Variants in CACHD1 observed in about 807,000 individuals in gnomAD.
The protein encoded by CACHD1 is cache domain containing 1.
Under a neutral mutation model 138.7 loss-of-function variants are expected in CACHD1, and 71 were observed. The observed-to-expected ratio is 0.51, with a 90% CI of 0.42 to 0.62. The LOEUF (loss-of-function observed/expected upper bound fraction) is 0.62. Among genes scored for constraint, CACHD1 ranks in the 20% least tolerant of loss-of-function variants. The pLI is 0.00. For synonymous variants in CACHD1, 578 were observed against 591.5 expected (o/e 0.98, Z 0.33); for missense variants, 1,389 against 1,625.3 (o/e 0.85, Z 2.50).
chr1:64,681,891 G>T, intron 25 of CACHD1, 114 bp from the exon 26 acceptor site: 1 of 883,872 alleles, frequency 1.1e-6, no homozygotes, highest in Non-Finnish European at 1.8e-6. Context: ...ATTTATTCTG[G>T]CTTTCCAAAG....
At chr1:64,580,099 C>T (rs909716348) in intron 2 of CACHD1, among the ~76,000 whole-genome samples, 9 of 152,052 alleles carry the variant, frequency 5.9e-5, no homozygotes, top group South Asian at 2.1e-4. Flanking sequence ...TTAAAAACCA[C>T]GTTAACACGT....
At chr1:64,582,122 C>G in intron 2 of CACHD1, 34 bp from the exon 3 acceptor site, 1 of 1,609,382 alleles carries the variant, frequency 6.2e-7, no homozygotes, top group South Asian at 1.1e-5. Context: ...TTGTCTTGGA[C>G]TTTCGATTTA....
At chr1:64,494,746 T>C (rs1209462538) in intron 1 of CACHD1, among the ~76,000 whole-genome samples, 1 of 152,196 alleles carries the variant, frequency 6.6e-6, no homozygotes, top group East Asian at 1.9e-4. Context: ...GAACTTAAAA[T>C]AGTGCTCACT....
At chr1:64,683,227 A>G (rs1221564999) in intron 26 of CACHD1, among the ~76,000 whole-genome samples, 2 of 152,200 alleles carry the variant, frequency 1.3e-5, no homozygotes, top group East Asian at 3.9e-4. Flanking sequence ...CATTATTCCC[A>G]CCAACTAAAT....
chr1:64,576,907 GTT>G (rs71056056), intron 2 of CACHD1, among the ~76,000 whole-genome samples: 1 of 141,082 alleles, frequency 7.1e-6, no homozygotes, highest in African/African-American at 2.6e-5. Flanking sequence ...TTGTTTGTTT[GTT>G]TTTTTTTTTT....
intron 1 of CACHD1, among the ~76,000 whole-genome samples, chr1:64,502,227 A>G (rs888043487): frequency 6.6e-6 from 1 of 152,232 alleles, no homozygotes; most frequent in Non-Finnish European, 1.5e-5. Flanking sequence ...CTTATCCTGT[A>G]ATGTACACTT....
At position 64,582,222 on chromosome 1, in the gene CACHD1, G is replaced by A; in HGVS notation, c.328G>A (p.Val110Ile). Residue 110 changes from valine (V) to isoleucine (I), a missense_variant, in exon 3 of 27, where the codon GTA (valine) becomes ATA (isoleucine). Transcript: ENST00000651257. ...LDVVNRNKQV[V>I]EASYTAHLTS... ...TGTGGTCAATCGGAACAAGCAAGTT[G>A]TAGAAGCATCCTATACGGCTCACCT... 1 of 1,614,072 alleles carries A rather than the reference G, an allele frequency of 6.2e-7. No individual in the cohort carries two copies. Among genetic ancestry groups the A allele is most frequent in the South Asian group, 1.1e-5 (1 of 91,078 alleles).
chr1:64,626,494 A>G (rs1648106216), intron 4 of CACHD1, among the ~76,000 whole-genome samples: 1 of 152,242 alleles, frequency 6.6e-6, no homozygotes, highest in Non-Finnish European at 1.5e-5. Flanking sequence ...TCTACATCAT[A>G]TGTAGATGGC....
At chr1:64,509,837 C>T (rs567592723) in intron 1 of CACHD1, among the ~76,000 whole-genome samples, 60 of 152,208 alleles carry the variant, frequency 3.9e-4, no homozygotes, top group Non-Finnish European at 7.5e-4. Flanking sequence ...GATTCTCAAA[C>T]GAATACTCCT....
intron 8 of CACHD1, among the ~76,000 whole-genome samples, chr1:64,645,554 A>AG (rs1648875833): frequency 1.3e-5 from 2 of 152,138 alleles, no homozygotes; most frequent in African/African-American, 2.4e-5. Flanking sequence ...AAACTGTGGG[A>AG]GAAAAAAAAA....
intron 12 of CACHD1, among the ~76,000 whole-genome samples, chr1:64,655,479 G>A (rs1271535413): frequency 1.3e-5 from 2 of 152,088 alleles, no homozygotes; most frequent in African/African-American, 4.8e-5. Flanking sequence ...GATTGTGGAG[G>A]TTGGGAGTTT....
intron 1 of CACHD1, among the ~76,000 whole-genome samples, chr1:64,529,767 A>G (rs1232718628): frequency 6.6e-6 from 1 of 152,162 alleles, no homozygotes; most frequent in Non-Finnish European, 1.5e-5. Context: ...ACCCTATGTT[A>G]TGTTTTCATT....
intron 1 of CACHD1, among the ~76,000 whole-genome samples, chr1:64,518,762 T>C (rs1042831278): frequency 6.6e-6 from 1 of 152,200 alleles, no homozygotes; most frequent in Non-Finnish European, 1.5e-5. Flanking sequence ...GGTGAAGTTA[T>C]TGCTTGAGAA....
chr1:64,595,863 C>T (rs1647146753), intron 3 of CACHD1, among the ~76,000 whole-genome samples: 1 of 152,158 alleles, frequency 6.6e-6, no homozygotes, highest in South Asian at 2.1e-4. Context: ...GAGGGAGACA[C>T]TTTATTGCTC....
Position 64,678,207 on chromosome 1 carries a change from T to C in CACHD1, c.3141T>C (p.Asp1047=), listed in dbSNP as rs1390782992. The C allele has an allele frequency of 1.9e-6, 3 of 1,612,590 alleles. No homozygotes were observed. The highest frequency in any genetic ancestry group is 3.3e-4 in the Middle Eastern group (2 of 6,048). ...GTGAATGGTGCATGGTGGACAGTGA[T>C]GGAAAGACTCACCTGGACAAACCCT... ...LDCEWCMVDS[D]GKTHLDKPYC... Residue 1047 remains aspartate, a synonymous_variant, in exon 23 of 27, where the codon GAT becomes GAC. Coordinates refer to ENST00000651257, the MANE Select transcript of CACHD1 (RefSeq NM_020925.4).
At chr1:64,560,327 CA>C (rs1646829294) in intron 2 of CACHD1, among the ~76,000 whole-genome samples, 1 of 151,408 alleles carries the variant, frequency 6.6e-6, no homozygotes, top group South Asian at 2.1e-4. Flanking sequence ...ACCTTTTTTT[CA>C]AATGGATGCA....
chr1:64,554,679 G>A (rs950617472), intron 2 of CACHD1, among the ~76,000 whole-genome samples: 20 of 152,260 alleles, frequency 1.3e-4, no homozygotes, highest in African/African-American at 4.3e-4. Context: ...ATCTATGAAT[G>A]CTCCTTGTCC....
chr1:64,683,322 C>A (rs994158556), intron 26 of CACHD1, among the ~76,000 whole-genome samples: 4 of 152,170 alleles, frequency 2.6e-5, no homozygotes, highest in Non-Finnish European at 5.9e-5. Context: ...CTCTACAAAC[C>A]TTTGAACTTG....
intron 1 of CACHD1, among the ~76,000 whole-genome samples, chr1:64,483,738 T>C (rs1646224891): frequency 6.7e-6 from 1 of 148,602 alleles, no homozygotes; most frequent in African/African-American, 2.5e-5. Context: ...GCAAGTCAGA[T>C]GTCATACCTC....
Sources: gnomAD v4.1 joint callset for allele counts (sites outside exome capture counted in the v4.1 genomes callset) on GRCh38, gnomAD v4.1.1 for gene constraint, MANE v1.5 for transcripts, NCBI Gene and HGNC (gene_info 2026-07-23, HGNC 2026-07-21) for gene names.